Variants in ZMAT4 observed in about 807,000 individuals in gnomAD.
ZMAT4 encodes zinc finger matrin-type protein 4.
Under a neutral mutation model 28.7 loss-of-function variants are expected in ZMAT4, and 17 were observed. That is an observed-to-expected ratio of 0.59 (90% CI 0.41 to 0.89). The LOEUF is 0.89. ZMAT4 is among the 40% of genes least tolerant of loss of function. The pLI is 0.00. For missense variants in ZMAT4, 240 were observed against 283.8 expected, an observed-to-expected ratio of 0.85 and a Z score of 1.11; for synonymous variants, 117 against 109.2, an observed-to-expected ratio of 1.07 and a Z score of -0.44.
At chr8:40,700,279 G>A (rs1011038830) in intron 3 of ZMAT4, among the ~76,000 whole-genome samples, 3 of 151,994 alleles carry the variant, frequency 2.0e-5, no homozygotes, top group Admixed American at 6.6e-5. Context: ...TCAGGACTGT[G>A]TGGGTTTTCA....
chr8:40,631,255 C>T (rs560524897), intron 5 of ZMAT4, among the ~76,000 whole-genome samples: 33 of 152,278 alleles, frequency 2.2e-4, no homozygotes, highest in African/African-American at 6.7e-4. Context: ...TCACTGCAAC[C>T]TCTGCAATTC....
intron 1 of ZMAT4, among the ~76,000 whole-genome samples, chr8:40,828,487 G>A (rs1040238297): frequency 2.0e-5 from 3 of 152,022 alleles, no homozygotes; most frequent in African/African-American, 4.8e-5. Context: ...AGGCCCGTAG[G>A]AGTCTGAGTC....
intron 1 of ZMAT4, among the ~76,000 whole-genome samples, chr8:40,891,169 G>A (rs1289516689): frequency 1.7e-5 from 2 of 120,422 alleles, no homozygotes; most frequent in Admixed American, 1.9e-4. Flanking sequence ...TTGCACTCCA[G>A]CCTGGGCAAC....
At chr8:40,664,181 C>G (rs1356370602) in intron 5 of ZMAT4, among the ~76,000 whole-genome samples, 2 of 152,100 alleles carry the variant, frequency 1.3e-5, no homozygotes, top group Non-Finnish European at 2.9e-5. Flanking sequence ...CAGAGACCTT[C>G]AAGTGTAATA....
At chr8:40,723,441 G>A (rs1477075211) in intron 3 of ZMAT4, among the ~76,000 whole-genome samples, 1 of 149,434 alleles carries the variant, frequency 6.7e-6, no homozygotes, top group Non-Finnish European at 1.5e-5. Flanking sequence ...TGCTGGGGAA[G>A]CTGAGGCAGG....
At chr8:40,721,889 T>C (rs1038961651) in intron 3 of ZMAT4, among the ~76,000 whole-genome samples, 1 of 152,140 alleles carries the variant, frequency 6.6e-6, no homozygotes, top group South Asian at 2.1e-4. Flanking sequence ...AACTATCTGA[T>C]CTTTGACAAA....
chr8:40,846,396 A>G (rs1418883726), intron 1 of ZMAT4, among the ~76,000 whole-genome samples: 3 of 152,208 alleles, frequency 2.0e-5, no homozygotes, highest in Non-Finnish European at 4.4e-5. Flanking sequence ...GGGCTGGGAC[A>G]GCAGAGCTCT....
Position 40,581,350 on chromosome 8 carries a change from G to A in ZMAT4, c.578-89C>T, listed in dbSNP as rs566435611. 1.9e-4 allele frequency: 205 copies of A among 1,107,564 alleles called. 1 individual carries two copies. In the South Asian group the frequency reaches 2.5e-3, roughly 13 times the overall value. The allele number at this position is 1,107,564 out of a possible 1,614,324, so 68.6% of individuals were successfully genotyped here. ...GCATCTCCAGAAGTTCAGGGACACA[G>A]TGTCGGAGATAACTCCTGATCTACC... On this transcript the variant is annotated intron_variant, in intron 5 of 6. Coordinates refer to ENST00000297737, the MANE Select transcript of ZMAT4 (RefSeq NM_024645.3).
chr8:40,617,110 T>C (rs531359694), intron 5 of ZMAT4, among the ~76,000 whole-genome samples: 6 of 152,298 alleles, frequency 3.9e-5, no homozygotes, highest in Non-Finnish European at 8.8e-5. Flanking sequence ...CATGGTGTGA[T>C]GATGATCTTT....
chr8:40,711,400 G>A (rs1810614854), intron 3 of ZMAT4, among the ~76,000 whole-genome samples: 1 of 152,146 alleles, frequency 6.6e-6, no homozygotes, highest in Non-Finnish European at 1.5e-5. Context: ...GAGACAATCA[G>A]ATATCATCTG....
chr8:40,647,107 G>C (rs561147950), intron 5 of ZMAT4, among the ~76,000 whole-genome samples: 20 of 152,332 alleles, frequency 1.3e-4, no homozygotes, highest in African/African-American at 4.3e-4. Context: ...CCGGTCTACA[G>C]CTCCCAGCGT....
At chr8:40,652,835 A>G (rs1393627835) in intron 5 of ZMAT4, among the ~76,000 whole-genome samples, 87 of 112,118 alleles carry the variant, frequency 7.8e-4, no homozygotes, top group African/African-American at 2.3e-3. Flanking sequence ...TCACAAGAAC[A>G]AAAAACCAAA....
intron 1 of ZMAT4, among the ~76,000 whole-genome samples, chr8:40,850,762 C>T (rs1034674596): frequency 6.6e-6 from 1 of 152,140 alleles, no homozygotes; most frequent in Non-Finnish European, 1.5e-5. Context: ...CACCTTATGC[C>T]TCTCCTTACA....
chr8:40,845,598 C>G (rs564066319), intron 1 of ZMAT4, among the ~76,000 whole-genome samples: 70 of 151,504 alleles, frequency 4.6e-4, no homozygotes, highest in African/African-American at 1.4e-3. Context: ...TAACTACAGG[C>G]AAGACAGGGG....
chr8:40,802,298 C>T (rs1814882737), intron 2 of ZMAT4, among the ~76,000 whole-genome samples: 1 of 152,070 alleles, frequency 6.6e-6, no homozygotes, highest in Admixed American at 6.5e-5. Context: ...TCCTTCTTCA[C>T]AAATGACATG....
chr8:40,539,744 C>T (rs1802966633), intron 6 of ZMAT4, among the ~76,000 whole-genome samples: 1 of 152,192 alleles, frequency 6.6e-6, no homozygotes. Context: ...TGATGTAGCT[C>T]TTGTACAATA....
intron 2 of ZMAT4, among the ~76,000 whole-genome samples, chr8:40,816,674 A>G (rs1428707239): frequency 6.6e-6 from 1 of 152,222 alleles, no homozygotes; most frequent in Non-Finnish European, 1.5e-5. Flanking sequence ...CTATTCTAGG[A>G]CTTCTAGGAC....
chr8:40,873,378 T>G (rs1209476556), intron 1 of ZMAT4, among the ~76,000 whole-genome samples: 1 of 152,194 alleles, frequency 6.6e-6, no homozygotes, highest in Non-Finnish European at 1.5e-5. Context: ...TGCCATGACC[T>G]TTCCTGTGGC....
chr8:40,801,352 A>AATATATATATATATATATATG (rs774919666), intron 2 of ZMAT4, among the ~76,000 whole-genome samples: 1 of 72,146 alleles, frequency 1.4e-5, no homozygotes, highest in African/African-American at 4.6e-5. Flanking sequence ...AAAAAAAAAA[A>AATATATATATATATATATATG]TATATATATA....
Sources: gnomAD v4.1 joint callset for allele counts (sites outside exome capture counted in the v4.1 genomes callset) on GRCh38, gnomAD v4.1.1 for gene constraint, MANE v1.5 for transcripts, NCBI Gene and HGNC (gene_info 2026-07-23, HGNC 2026-07-21) for gene names.